The following GALNT13 variants were observed in gnomAD, a reference collection of about 807,000 sequenced individuals.
GALNT13 encodes polypeptide N-acetylgalactosaminyltransferase 13.
A neutral mutation model predicts 64.2 loss-of-function variants in GALNT13; 28 were observed. That is an observed-to-expected ratio of 0.44 (90% confidence interval 0.32 to 0.60). The LOEUF (loss-of-function observed/expected upper bound fraction) is 0.60. Ranked by LOEUF, GALNT13 falls within the 20% of genes least tolerant of loss-of-function variation. The pLI, the probability that GALNT13 is intolerant of heterozygous loss-of-function variation, is 0.05. For missense variants in GALNT13, 577 were observed against 669.8 expected (o/e 0.86, Z 1.53); for synonymous variants, 214 against 224.6 (o/e 0.95, Z 0.42).
At chr2:154,377,187 T>G (rs9288337) in intron 9 of GALNT13, among the ~76,000 whole-genome samples, 69,172 of 151,914 alleles carry the variant, frequency 0.46, 16,036 homozygotes, top group Admixed American at 0.57. Flanking sequence ...ATACAACAAA[T>G]ATTAAATTAC....
At chr2:154,354,551 C>A (rs1009498328) in intron 9 of GALNT13, among the ~76,000 whole-genome samples, 2 of 150,444 alleles carry the variant, frequency 1.3e-5, no homozygotes, top group Admixed American at 1.3e-4. Context: ...TCAGATCTTA[C>A]ATTTAAGTCC....
intron 3 of GALNT13, among the ~76,000 whole-genome samples, chr2:154,098,058 C>T (rs2105455578): frequency 6.7e-6 from 1 of 149,542 alleles, no homozygotes; most frequent in East Asian, 2.0e-4. Context: ...CAGTGGTGCT[C>T]TAGGGCTCAG....
chr2:153,348,058 A>G, the GALNT13 span, among the ~76,000 whole-genome samples: 40 of 151,572 alleles, frequency 2.6e-4, no homozygotes, highest in East Asian at 6.8e-3. Context: ...GTAATGGTCA[A>G]CCTCCCTGAG....
At chr2:153,093,741 G>A in the GALNT13 span, among the ~76,000 whole-genome samples, 1 of 152,160 alleles carries the variant, frequency 6.6e-6, no homozygotes, top group Non-Finnish European at 1.5e-5. Context: ...GGAATAGTTT[G>A]AGTAGGATTG....
At chr2:153,588,285 CTGTG>C in the GALNT13 span, among the ~76,000 whole-genome samples, 914 of 152,342 alleles carry the variant, frequency 6.0e-3, 5 homozygotes, top group Non-Finnish European at 0.011. Context: ...AGTAAATACT[CTGTG>C]TGGGGTCTCT....
the GALNT13 span, among the ~76,000 whole-genome samples, chr2:153,827,642 AAC>A: frequency 6.6e-6 from 1 of 151,160 alleles, no homozygotes; most frequent in African/African-American, 2.4e-5. Context: ...AAAAAAAAAA[AAC>A]GATTTGGGTG....
the GALNT13 span, among the ~76,000 whole-genome samples, chr2:153,540,673 C>T: frequency 3.3e-5 from 5 of 152,360 alleles, no homozygotes; most frequent in African/African-American, 9.6e-5. Flanking sequence ...GAGCCCACCT[C>T]CTGCAACAGT....
chr2:153,360,555 G>A, the GALNT13 span, among the ~76,000 whole-genome samples: 1 of 152,198 alleles, frequency 6.6e-6, no homozygotes, highest in South Asian at 2.1e-4. Flanking sequence ...TGGACAGCTT[G>A]ATCCCAAGTG....
At chr2:153,473,064 T>C in the GALNT13 span, among the ~76,000 whole-genome samples, 2 of 151,970 alleles carry the variant, frequency 1.3e-5, no homozygotes, top group Admixed American at 1.3e-4. Flanking sequence ...GGGATAGCAT[T>C]AGGAGAAATA....
the GALNT13 span, among the ~76,000 whole-genome samples, chr2:153,316,601 A>G: frequency 1.4e-5 from 2 of 142,526 alleles, no homozygotes; most frequent in Non-Finnish European, 3.0e-5. Flanking sequence ...AGATTGCGCC[A>G]CTGCACTCCA....
chr2:153,941,558 A>G (rs1216751395), intron 2 of GALNT13, among the ~76,000 whole-genome samples: 1 of 152,226 alleles, frequency 6.6e-6, no homozygotes, highest in Admixed American at 6.5e-5. Flanking sequence ...GGTTTCCTGG[A>G]ATAGAAACAT....
the GALNT13 span, among the ~76,000 whole-genome samples, chr2:153,768,650 G>A: frequency 1.3e-5 from 2 of 152,106 alleles, no homozygotes; most frequent in African/African-American, 4.8e-5. Flanking sequence ...AGATCATGAG[G>A]TCAGGAGATT....
the GALNT13 span, among the ~76,000 whole-genome samples, chr2:153,296,021 C>T: frequency 1.3e-5 from 2 of 152,162 alleles, no homozygotes; most frequent in African/African-American, 4.8e-5. Context: ...CAGTCTTTGA[C>T]TGTGTGTCAA....
chr2:153,948,198 T>C (rs985893397), intron 3 of GALNT13, among the ~76,000 whole-genome samples: 2 of 150,986 alleles, frequency 1.3e-5, no homozygotes, highest in Non-Finnish European at 2.9e-5. Flanking sequence ...TAAAATAGTC[T>C]TTTCTATTTC....
At chr2:153,616,626 A>G in the GALNT13 span, among the ~76,000 whole-genome samples, 7 of 151,300 alleles carry the variant, frequency 4.6e-5, no homozygotes, top group East Asian at 1.9e-4. Flanking sequence ...TATAGTTTTT[A>G]TTGTAGAGAT....
chr2:154,323,823 C>T (rs1280046358), intron 9 of GALNT13, among the ~76,000 whole-genome samples: 1 of 151,954 alleles, frequency 6.6e-6, no homozygotes, highest in Non-Finnish European at 1.5e-5. Context: ...TTCTTATGGA[C>T]ATATGTCCAT....
At chr2:153,952,008 C>T (rs557781258) in intron 3 of GALNT13, among the ~76,000 whole-genome samples, 1 of 152,186 alleles carries the variant, frequency 6.6e-6, no homozygotes, top group Admixed American at 6.5e-5. Context: ...TTTTAAAGGA[C>T]TGCTCTTGGG....
intron 4 of GALNT13, among the ~76,000 whole-genome samples, chr2:154,187,221 T>C (rs915461250): frequency 7.2e-5 from 11 of 152,144 alleles, no homozygotes; most frequent in Admixed American, 2.0e-4. Flanking sequence ...GATTTTACTG[T>C]ATTTTAAATT....
At chr2:154,230,934 T>C (rs970858486) in intron 4 of GALNT13, among the ~76,000 whole-genome samples, 1 of 152,154 alleles carries the variant, frequency 6.6e-6, no homozygotes, top group Non-Finnish European at 1.5e-5. Flanking sequence ...ATATAATGCA[T>C]TTATTAATAG....
Sources: gnomAD v4.1 joint callset for allele counts (sites outside exome capture counted in the v4.1 genomes callset) on GRCh38, gnomAD v4.1.1 for gene constraint, MANE v1.5 for transcripts, NCBI Gene and HGNC (gene_info 2026-07-23, HGNC 2026-07-21) for gene names.